ZNF600: variants seen among roughly 807,000 people sequenced by gnomAD.
The protein encoded by ZNF600 is zinc finger protein KR-ZNF1.
A neutral mutation model predicts 7.3 loss-of-function variants in ZNF600; 4 were observed. The ratio of observed to expected loss-of-function variants is 0.55; its 90% confidence interval spans 0.27 to 1.25. The LOEUF is 1.25. Ranked by LOEUF, ZNF600 falls within the 50% of genes most tolerant of loss-of-function variation. The pLI is 0.12. For synonymous variants in ZNF600, 290 were observed against 308.9 expected (o/e 0.94, Z 0.64); for missense variants, 911 against 922.1 (o/e 0.99, Z 0.16).
the ZNF600 span, among the ~76,000 whole-genome samples, chr19:52,822,578 T>A: frequency 6.6e-6 from 1 of 152,352 alleles, no homozygotes; most frequent in Non-Finnish European, 1.5e-5. Flanking sequence ...AACTTCATTG[T>A]TCTATGCAAC....
At chr19:52,804,711 G>A in the ZNF600 span, among the ~76,000 whole-genome samples, 1 of 152,072 alleles carries the variant, frequency 6.6e-6, no homozygotes, top group South Asian at 2.1e-4. Context: ...CACCATGTTG[G>A]CCAGACTGGT....
intron 1 of ZNF600, among the ~76,000 whole-genome samples, chr19:52,784,389 G>C (rs1208723366): frequency 6.6e-6 from 1 of 152,156 alleles, no homozygotes; most frequent in East Asian, 1.9e-4. Context: ...CTGGGTGACA[G>C]AGCCAGACCC....
the ZNF600 span, among the ~76,000 whole-genome samples, chr19:52,824,869 C>T: frequency 6.6e-6 from 1 of 152,074 alleles, no homozygotes; most frequent in African/African-American, 2.4e-5. Context: ...AAAACAGAGA[C>T]TTAGAAATAA....
chr19:52,812,772 A>T, the ZNF600 span, among the ~76,000 whole-genome samples: 4 of 120,024 alleles, frequency 3.3e-5, no homozygotes, highest in East Asian at 2.5e-4. Flanking sequence ...TAAAAAAAAA[A>T]AAAAAAAAAA....
chr19:52,774,467 A>AG (rs1226421053), intron 3 of ZNF600, 108 bp downstream of exon 5: 18 of 970,924 alleles, frequency 1.9e-5, no homozygotes, highest in Non-Finnish European at 2.1e-5. Flanking sequence ...CCAAAAAAAA[A>AG]AAAAAAGCCA....
chr19:52,803,068 A>T, the ZNF600 span, among the ~76,000 whole-genome samples: 22 of 150,518 alleles, frequency 1.5e-4, no homozygotes, highest in African/African-American at 5.4e-4. Flanking sequence ...GCCGACTTTT[A>T]AAAAAAATTT....
chr19:52,813,327 T>C, the ZNF600 span, among the ~76,000 whole-genome samples: 3 of 145,806 alleles, frequency 2.1e-5, no homozygotes, highest in Non-Finnish European at 4.5e-5. Context: ...GGGACCTGTT[T>C]TGGGGAGCAG....
chr19:52,766,175 C>A, exon 4 of ZNF600: 3 of 1,614,038 alleles, frequency 1.9e-6, no homozygotes, highest in Middle Eastern at 1.7e-4. Context: ...ACTCATTACA[C>A]TTGTAAGGTT....
chr19:52,767,430 T>C (rs1196123819), exon 4 of ZNF600: 1 of 1,614,054 alleles, frequency 6.2e-7, no homozygotes, highest in African/African-American at 1.3e-5. Flanking sequence ...CTCAAATTGA[T>C]TACCAATTTT....
the ZNF600 span, among the ~76,000 whole-genome samples, chr19:52,824,493 G>A: frequency 1.3e-5 from 2 of 152,108 alleles, no homozygotes; most frequent in African/African-American, 2.4e-5. Flanking sequence ...AAATTAGCGA[G>A]GTGTGGTGGT....
chr19:52,765,512 T>C, exon 4 of ZNF600: 1 of 1,605,870 alleles, frequency 6.2e-7, no homozygotes, highest in East Asian at 2.2e-5. Context: ...ACTTGTTAGA[T>C]CTTTATTCAT....
chr19:52,798,319 A>T, the ZNF600 span: 2 of 298,534 alleles, frequency 6.7e-6, no homozygotes, highest in African/African-American at 4.5e-5. Flanking sequence ...TAACATAAAC[A>T]GTTTAATGTC....
chr19:52,804,022 T>C, the ZNF600 span, among the ~76,000 whole-genome samples: 13 of 152,222 alleles, frequency 8.5e-5, no homozygotes, highest in East Asian at 1.5e-3. Context: ...TATTCTCTAA[T>C]AGGATGTTCC....
At chr19:52,832,524 G>A in the ZNF600 span, among the ~76,000 whole-genome samples, 4,052 of 151,762 alleles carry the variant, frequency 0.027, 87 homozygotes, top group African/African-American at 0.059. Flanking sequence ...GAACCCAGGA[G>A]GCAGATGTTG....
the ZNF600 span, among the ~76,000 whole-genome samples, chr19:52,828,727 T>A: frequency 6.6e-6 from 1 of 152,206 alleles, no homozygotes; most frequent in Non-Finnish European, 1.5e-5. Flanking sequence ...TCTGAATGTT[T>A]GTATTGGCCA....
chr19:52,802,856 G>A, the ZNF600 span, among the ~76,000 whole-genome samples: 1 of 149,856 alleles, frequency 6.7e-6, no homozygotes, highest in Admixed American at 6.7e-5. Context: ...CACCTCCCGG[G>A]TTCACGCCAT....
At chr19:52,802,635 C>G in the ZNF600 span, among the ~76,000 whole-genome samples, 2 of 152,076 alleles carry the variant, frequency 1.3e-5, no homozygotes, top group African/African-American at 4.8e-5. Flanking sequence ...TGAGATCGCA[C>G]CACTGCACTC....
the ZNF600 span, among the ~76,000 whole-genome samples, chr19:52,829,371 C>T: frequency 2.2e-5 from 3 of 138,310 alleles, no homozygotes; most frequent in South Asian, 5.1e-4. Flanking sequence ...CCCCCTCCCC[C>T]CTATTTTTTT....
In ZNF600 at chr19:52,766,171, TAC is replaced by T; in HGVS notation, c.1790_1791del (p.Cys597Ter). ...TGACTGAAGGTCTTGCTGCACTCAT[TAC>T]ACTTGTAAGGTTTCTCACCACTATG... On this transcript the variant is annotated frameshift_variant, in exon 4 of 4. Coordinates refer to ENST00000648973, the Ensembl canonical transcript of ZNF600. LOFTEE classifies it low-confidence loss of function (END_TRUNC). 6.2e-7 allele frequency: 1 copy of T among 1,614,144 alleles called. No homozygotes were observed. The highest frequency in any genetic ancestry group is 8.5e-7 in the Non-Finnish European group (1 of 1,180,010).
Sources: allele counts gnomAD v4.1 joint callset (sites outside exome capture counted in the v4.1 genomes callset), GRCh38; gene constraint gnomAD v4.1.1; transcripts MANE v1.5; gene names NCBI Gene and HGNC (gene_info 2026-07-23, HGNC 2026-07-21).